The following ANKRD7 variants were observed in gnomAD, a reference collection of about 807,000 sequenced individuals.
ANKRD7 encodes the protein ankyrin repeat domain 7.
ANKRD7 carries 30 observed loss-of-function variants against 30.8 expected under a neutral mutation model. The observed-to-expected ratio is 0.97, with a 90% CI of 0.73 to 1.32. The LOEUF is 1.32. Ranked by LOEUF, ANKRD7 falls within the 40% of genes most tolerant of loss-of-function variation. The pLI, the probability that ANKRD7 is intolerant of heterozygous loss-of-function variation, is 0.00. For missense variants in ANKRD7, 264 were observed against 295.7 expected, an observed-to-expected ratio of 0.89 and a Z score of 0.79; for synonymous variants, 97 against 106.6, an observed-to-expected ratio of 0.91 and a Z score of 0.55.
intron 6 of ANKRD7, among the ~76,000 whole-genome samples, chr7:118,241,429 T>TC (rs1401311488): frequency 2.7e-5 from 4 of 146,570 alleles, no homozygotes; most frequent in African/African-American, 1.0e-4. Context: ...CCATCCCCCA[T>TC]CCCCACAAAT....
At chr7:118,231,257 T>G (rs1228349256) in intron 1 of ANKRD7, among the ~76,000 whole-genome samples, 1 of 152,078 alleles carries the variant, frequency 6.6e-6, no homozygotes, top group Non-Finnish European at 1.5e-5. Flanking sequence ...TTAGCTTCTA[T>G]TTTTGTTTTT....
chr7:118,229,010 A>G (rs1009836510), intron 1 of ANKRD7, among the ~76,000 whole-genome samples: 5 of 152,108 alleles, frequency 3.3e-5, no homozygotes, highest in Admixed American at 6.6e-5. Context: ...AGTGTCTCAT[A>G]CCACCCTATA....
chr7:118,236,214 G>A, intron 4 of ANKRD7, 67 bp downstream of exon 4: 2 of 637,138 alleles, frequency 3.1e-6, no homozygotes, highest in Admixed American at 6.3e-5. Context: ...GTGCGTATGT[G>A]TGTGTGTGTG....
At chr7:118,227,932 T>C (rs375199674) in intron 1 of ANKRD7, 8 of 1,346,316 alleles carry the variant, frequency 5.9e-6, no homozygotes, top group Admixed American at 4.0e-5. Context: ...ACAAAAACAG[T>C]GTTGTCCAAT....
At chr7:118,238,898 C>G (rs954969486) in intron 5 of ANKRD7, among the ~76,000 whole-genome samples, 3 of 152,160 alleles carry the variant, frequency 2.0e-5, no homozygotes, top group Non-Finnish European at 4.4e-5. Flanking sequence ...GGCCTAGTAC[C>G]TGTGAATGTG....
At chr7:118,239,555 A>G (rs1809788648) in intron 5 of ANKRD7, among the ~76,000 whole-genome samples, 4 of 152,238 alleles carry the variant, frequency 2.6e-5, no homozygotes, top group Admixed American at 2.0e-4. Flanking sequence ...TGCAGCCGAC[A>G]GAACCATGAG....
chr7:118,240,014 G>T lies in ANKRD7; in HGVS notation c.*37+16G>T. 2.2e-6 allele frequency: 3 copies of T among 1,376,398 alleles called. No individual in the cohort carries two copies. The highest frequency in any genetic ancestry group is 1.9e-5 in the South Asian group (1 of 52,048). 85.3% of individuals were successfully genotyped at this position (1,376,398 alleles called of 1,614,324 possible). Reference sequence around the variant, plus strand: ...CTAAAGGAAGGTAAGATTGCTAACTGGATTAGTGTTTTTTTCTTGTTGCTT... The same window carrying T: ...CTAAAGGAAGGTAAGATTGCTAACTTGATTAGTGTTTTTTTCTTGTTGCTT... On this transcript the variant is annotated intron_variant, in intron 6 of 6. Coordinates refer to ENST00000265224, the MANE Select transcript of ANKRD7 (RefSeq NM_019644.4).
intron 4 of ANKRD7, 55 bp from the exon 5 acceptor site, chr7:118,236,735 A>T: frequency 1.3e-6 from 2 of 1,561,408 alleles, no homozygotes; most frequent in Non-Finnish European, 1.7e-6. Flanking sequence ...GAATTTTTAA[A>T]ATTAGGCATG....
chr7:118,241,666 A>G (rs1809849347), intron 6 of ANKRD7, among the ~76,000 whole-genome samples: 1 of 150,980 alleles, frequency 6.6e-6, no homozygotes, highest in South Asian at 2.1e-4. Context: ...CAGCCTCCCA[A>G]GTAGTTGGGA....
chr7:118,232,748 A>G (rs1372620758), intron 1 of ANKRD7, among the ~76,000 whole-genome samples: 2 of 127,608 alleles, frequency 1.6e-5, no homozygotes, highest in Admixed American at 8.0e-5. Context: ...GTGTGTGTGT[A>G]ATTTTATGCG....
intron 5 of ANKRD7, among the ~76,000 whole-genome samples, chr7:118,237,378 G>T (rs182026489): frequency 1.0e-3 from 152 of 152,122 alleles, no homozygotes; most frequent in Admixed American, 2.2e-3. Context: ...ACACCCAAAA[G>T]AAAAACTATT....
At position 118,242,335 on chromosome 7, in the gene ANKRD7, C is replaced by T. The variant is rs1380460240; in HGVS notation, c.*38-14C>T. ...ACGTAAGTGAAGACATTATAAATAT[C>T]ATTTGTTTCCTAGATATGGAACCCA... On this transcript the variant is annotated splice_polypyrimidine_tract_variant and intron_variant, in intron 6 of 6. Coordinates refer to ENST00000265224, the MANE Select transcript of ANKRD7 (RefSeq NM_019644.4). 6.6e-6 allele frequency: 1 copy of T among 152,092 alleles called. No individual in the cohort carries two copies. The highest frequency in any genetic ancestry group is 2.4e-5 in the African/African-American group (1 of 41,410). The allele number at this position is 152,092 out of a possible 1,614,324, so 9.4% of individuals were successfully genotyped here. A position where few individuals can be genotyped will look rare whatever the true frequency, so the allele number is the denominator to read the frequency against.
At position 118,236,838 on chromosome 7, in the gene ANKRD7, G is replaced by C; in HGVS notation, c.624G>C (p.Lys208Asn). 1 of 1,613,934 alleles carries C rather than the reference G, an allele frequency of 6.2e-7. No individual in the cohort carries two copies. Among genetic ancestry groups the C allele is most frequent in the Non-Finnish European group, 8.5e-7 (1 of 1,179,886 alleles). Residue 208 changes from lysine (K) to asparagine (N), a missense_variant, in exon 5 of 7, where the codon AAG becomes AAC. Physicochemically the swap from Lys to Asn is moderately conservative, Grantham distance 94 (BLOSUM62 0). Transcript: ENST00000265224. Reference sequence around the variant, plus strand: ...GTGGTGAACCACCATGTTTAGTAAAGCTTCTTCTTCAGCAAGGTGTGGAAT... The same window carrying C: ...GTGGTGAACCACCATGTTTAGTAAACCTTCTTCTTCAGCAAGGTGTGGAAT... ...AVSGEPPCLV[K>N]LLLQQGVELC... is the part of the protein sequence containing the mutation.
chr7:118,227,961 C>T, intron 1 of ANKRD7: 1 of 1,334,032 alleles, frequency 7.5e-7, no homozygotes, highest in African/African-American at 1.5e-5. Context: ...TGGCTTTTAT[C>T]CTACACCACT....
At chr7:118,241,361 T>TAGA (rs1247738495) in intron 6 of ANKRD7, among the ~76,000 whole-genome samples, 7 of 151,256 alleles carry the variant, frequency 4.6e-5, no homozygotes, top group Non-Finnish European at 1.0e-4. Flanking sequence ...AAAAAGGACA[T>TAGA]AGAAGGAGTG....
chr7:118,233,848 G>A (rs1184405236), intron 1 of ANKRD7, among the ~76,000 whole-genome samples: 2 of 152,114 alleles, frequency 1.3e-5, no homozygotes, highest in African/African-American at 4.8e-5. Flanking sequence ...ATTCATGAAT[G>A]TGTGTCTGGT....
chr7:118,241,566 G>A (rs1003854265), intron 6 of ANKRD7, among the ~76,000 whole-genome samples: 4 of 88,110 alleles, frequency 4.5e-5, no homozygotes, highest in Non-Finnish European at 9.2e-5. Context: ...TTGAGGTGGA[G>A]TCTCACTCTG....
chr7:118,235,088 C>G (rs1002814128), intron 3 of ANKRD7, among the ~76,000 whole-genome samples: 2 of 152,074 alleles, frequency 1.3e-5, no homozygotes, highest in African/African-American at 4.8e-5. Flanking sequence ...TCCTGACCTC[C>G]AAAGAAACAC....
chr7:118,236,210 ATG>A (rs3993811), intron 4 of ANKRD7, 63 bp downstream of exon 4: 20,135 of 598,660 alleles, frequency 0.034, no homozygotes, highest in Non-Finnish European at 0.041. Flanking sequence ...GTGTGTGCGT[ATG>A]TGTGTGTGTG....
Sources: allele counts gnomAD v4.1 joint callset (sites outside exome capture counted in the v4.1 genomes callset), GRCh38; gene constraint gnomAD v4.1.1; transcripts MANE v1.5; gene names NCBI Gene and HGNC (gene_info 2026-07-23, HGNC 2026-07-21).